The following CMIP variants were observed in gnomAD, a reference collection of about 807,000 sequenced individuals.
The protein encoded by CMIP is C-Maf-inducing protein.
Under a neutral mutation model 97.3 loss-of-function variants are expected in CMIP, and 13 were observed. The observed-to-expected ratio is 0.13, with a 90% CI of 0.09 to 0.21. The LOEUF (loss-of-function observed/expected upper bound fraction) is 0.21, where lower values mean the gene tolerates loss of function less well. Ranked by LOEUF, CMIP falls within the 10% of genes least tolerant of loss-of-function variation. The pLI, the probability that CMIP is intolerant of heterozygous loss-of-function variation, is 1.00. For synonymous variants in CMIP, 538 were observed against 436.3 expected, an observed-to-expected ratio of 1.23 and a Z score of -2.91; for missense variants, 847 against 1,024.9, an observed-to-expected ratio of 0.83 and a Z score of 2.37.
At chr16:81,637,180 C>T (rs1427105028) in intron 3 of CMIP, among the ~76,000 whole-genome samples, 1 of 152,204 alleles carries the variant, frequency 6.6e-6, no homozygotes, top group Non-Finnish European at 1.5e-5. Flanking sequence ...AAGCATTTCT[C>T]CTGCCCCAGC....
At chr16:81,673,498 AGAGT>A (rs1310084426) in intron 9 of CMIP, among the ~76,000 whole-genome samples, 19 of 151,082 alleles carry the variant, frequency 1.3e-4, no homozygotes, top group African/African-American at 4.6e-4. Context: ...CCTGTGCAAC[AGAGT>A]GAGACTCCTT....
chr16:81,652,125 T>C lies in CMIP; in HGVS notation c.478-78T>C. 8.2e-7 allele frequency: 1 copy of C among 1,225,522 alleles called. No individual in the cohort carries two copies. The highest frequency in any genetic ancestry group is 1.3e-5 in the South Asian group (1 of 75,720). The allele number at this position is 1,225,522 out of a possible 1,614,324, so 75.9% of individuals were successfully genotyped here. A position where few individuals can be genotyped will look rare whatever the true frequency, so the allele number is the denominator to read the frequency against. On this transcript the variant is annotated intron_variant, in intron 3 of 20. Transcript: ENST00000537098. The surrounding 1 kb of genome is among the most constrained non-coding windows in gnomAD (Gnocchi z 5.2). ...AGGGCCCTTTACACCCTAACCCATC[T>C]GATTCTTTGATTGTCTTCCATCTTC... is the stretch of plus-strand genomic sequence containing the variant.
intron 7 of CMIP, among the ~76,000 whole-genome samples, chr16:81,669,403 C>T (rs1398405629): frequency 9.5e-6 from 1 of 105,050 alleles, no homozygotes; most frequent in Non-Finnish European, 2.2e-5. Flanking sequence ...ACACTCACCT[C>T]CTTCCACACC....
chr16:81,558,848 G>C (rs1455516142), intron 1 of CMIP, among the ~76,000 whole-genome samples: 1 of 152,152 alleles, frequency 6.6e-6, no homozygotes, highest in Admixed American at 6.5e-5. Context: ...TGTTCCTCCC[G>C]CCTGCAGCCA....
chr16:81,672,637 G>A (rs2092693196), intron 9 of CMIP, among the ~76,000 whole-genome samples: 1 of 152,104 alleles, frequency 6.6e-6, no homozygotes, highest in Non-Finnish European at 1.5e-5. Flanking sequence ...ATACAGTGGT[G>A]CAGTCATAGC....
chr16:81,605,185 G>A (rs1427247139), intron 1 of CMIP, among the ~76,000 whole-genome samples: 1 of 152,174 alleles, frequency 6.6e-6, no homozygotes, highest in Non-Finnish European at 1.5e-5. Context: ...AACAGTGCAC[G>A]GGATGCTGGA....
chr16:81,447,945 C>A (rs1191046513), intron 1 of CMIP, among the ~76,000 whole-genome samples: 2 of 152,208 alleles, frequency 1.3e-5, no homozygotes, highest in African/African-American at 4.8e-5. Flanking sequence ...AGCAGCGGAG[C>A]CCCTGTGGGG....
intron 1 of CMIP, among the ~76,000 whole-genome samples, chr16:81,479,016 G>A (rs1490017986): frequency 6.6e-6 from 1 of 152,240 alleles, no homozygotes; most frequent in East Asian, 1.9e-4. Context: ...TGGACGCCTA[G>A]GAGAAGCCGG....
chr16:81,466,616 C>T (rs1160294841), intron 1 of CMIP, among the ~76,000 whole-genome samples: 1 of 152,166 alleles, frequency 6.6e-6, no homozygotes, highest in Non-Finnish European at 1.5e-5. Context: ...TACTTACGAA[C>T]GGGCCATGAT....
chr16:81,474,965 G>A (rs1167515456), intron 1 of CMIP, among the ~76,000 whole-genome samples: 1 of 152,230 alleles, frequency 6.6e-6, no homozygotes, highest in African/African-American at 2.4e-5. Flanking sequence ...ATTTTGGAAG[G>A]TTTGGGATGT....
intron 1 of CMIP, among the ~76,000 whole-genome samples, chr16:81,521,647 T>G (rs1410970836): frequency 6.6e-6 from 1 of 152,010 alleles, no homozygotes; most frequent in African/African-American, 2.4e-5. Context: ...CTCCCTGGAG[T>G]GAATTTTCTT....
intron 1 of CMIP, among the ~76,000 whole-genome samples, chr16:81,566,087 G>A (rs2090978787): frequency 6.6e-6 from 1 of 152,236 alleles, no homozygotes; most frequent in Non-Finnish European, 1.5e-5. Context: ...ACTGTCGTGT[G>A]TTTGGACAAG....
At chr16:81,530,960 C>G (rs982426702) in intron 1 of CMIP, among the ~76,000 whole-genome samples, 9 of 152,234 alleles carry the variant, frequency 5.9e-5, no homozygotes, top group African/African-American at 1.9e-4. Flanking sequence ...TAGCCACCAG[C>G]TAGCCTGAGC....
At chr16:81,507,351 C>T (rs1218014091) in intron 1 of CMIP, among the ~76,000 whole-genome samples, 1 of 152,216 alleles carries the variant, frequency 6.6e-6, no homozygotes, top group African/African-American at 2.4e-5. Context: ...AACTACGTTT[C>T]TCAAACTGGG....
Position 81,591,617 on chromosome 16 carries a change from A to G in CMIP, c.301-15950A>G, listed in dbSNP as rs148505127. On this transcript the variant is annotated intron_variant, in intron 1 of 20. Coordinates refer to ENST00000537098, the MANE Select transcript of CMIP (RefSeq NM_198390.3). ...TGATTGCATTTATAACATGTTGAGG[A>G]ACAGGCAGAGCTAATCTGTAGAGAT... Among the ~76,000 whole-genome samples the G allele has an allele frequency of 1.1e-3, 171 of 152,222 alleles. 1 individual carries two copies. Among genetic ancestry groups the G allele is most frequent in the African/African-American group, 4.0e-3 (167 of 41,530 alleles).
chr16:81,479,466 C>G (rs1045276074), intron 1 of CMIP, among the ~76,000 whole-genome samples: 1 of 152,158 alleles, frequency 6.6e-6, no homozygotes, highest in Non-Finnish European at 1.5e-5. Context: ...TTCTCATCTT[C>G]TCAAACTGAA....
At chr16:81,476,143 G>T (rs1597460499) in intron 1 of CMIP, 2 of 1,033,462 alleles carry the variant, frequency 1.9e-6, no homozygotes, top group South Asian at 1.3e-5. Context: ...CGGAGACCAC[G>T]TGCTTGCGTT....
intron 13 of CMIP, chr16:81,696,310 C>T (rs1205402384): frequency 1.1e-5 from 6 of 571,138 alleles, no homozygotes; most frequent in Middle Eastern, 4.7e-4. Flanking sequence ...CAAGCCGGGG[C>T]CTGCCCTCCC....
rs1906378566 is a variant in CMIP at position 81,453,754 on chromosome 16, C to A, written c.300+8213C>A. 6.6e-6 allele frequency among the ~76,000 whole-genome samples: 1 copy of A among 152,218 alleles called. No homozygotes were observed. Among genetic ancestry groups the A allele is most frequent in the South Asian group, 2.1e-4 (1 of 4,828 alleles). On this transcript the variant is annotated intron_variant, in intron 1 of 20. Transcript: ENST00000537098. This position sits in a 1 kb window ranked among gnomAD's most constrained non-coding sequence, Gnocchi z 4.0. ...GCAGGGGTCTCCCGAGGGTTCTGCC[C>A]CCTCTTTTTCTTGTGAAATGGGTCT...
Sources: gnomAD v4.1 joint callset for allele counts (sites outside exome capture counted in the v4.1 genomes callset) on GRCh38, gnomAD v4.1.1 for gene constraint, Gnocchi (gnomAD v3.1) non-coding constraint, MANE v1.5 for transcripts, NCBI Gene and HGNC (gene_info 2026-07-23, HGNC 2026-07-21) for gene names.